The following MYO10 variants were observed in gnomAD, a reference collection of about 807,000 sequenced individuals.
MYO10 encodes the protein unconventional myosin-X.
In MYO10, 133 loss-of-function variants were observed where a neutral mutation model predicts 257.3. The ratio of observed to expected loss-of-function variants is 0.52; its 90% CI spans 0.45 to 0.60. MYO10 has a LOEUF of 0.60. Among genes scored for constraint, MYO10 ranks in the 20% least tolerant of loss-of-function variants. MYO10 has a pLI of 0.00. For synonymous variants in MYO10, 1,104 were observed against 1,028.6 expected, an observed-to-expected ratio of 1.07 and a Z score of -1.40; for missense variants, 2,399 against 2,635.7, an observed-to-expected ratio of 0.91 and a Z score of 1.97.
intron 19 of MYO10, among the ~76,000 whole-genome samples, chr5:16,732,660 A>C (rs1470080329): frequency 6.6e-6 from 1 of 152,204 alleles, no homozygotes; most frequent in African/African-American, 2.4e-5. Context: ...CACTTACACG[A>C]TCACTAAGGT....
intron 2 of MYO10, among the ~76,000 whole-genome samples, chr5:16,837,271 T>C (rs142997338): frequency 5.3e-4 from 80 of 152,088 alleles, no homozygotes; most frequent in Admixed American, 1.7e-3. Flanking sequence ...GATCACACCA[T>C]TGCACTTCAG....
chr5:16,776,229 G>A (rs1741208057), intron 9 of MYO10, among the ~76,000 whole-genome samples: 1 of 152,048 alleles, frequency 6.6e-6, no homozygotes, highest in Non-Finnish European at 1.5e-5. Flanking sequence ...ATAGGTTTGG[G>A]AGAAGAAAAT....
At chr5:16,807,133 C>A (rs115136984) in intron 3 of MYO10, among the ~76,000 whole-genome samples, 1 of 152,134 alleles carries the variant, frequency 6.6e-6, no homozygotes, top group African/African-American at 2.4e-5. Context: ...ACCATCCCCC[C>A]GTTTCCTTCT....
intron 3 of MYO10, among the ~76,000 whole-genome samples, chr5:16,801,973 G>C (rs1313815736): frequency 6.6e-6 from 1 of 152,134 alleles, no homozygotes; most frequent in Non-Finnish European, 1.5e-5. Context: ...TCAGACCCTT[G>C]CTACAACATG....
chr5:16,741,894 C>T, intron 19 of MYO10: 1 of 985,376 alleles, frequency 1.0e-6, no homozygotes. Context: ...CTGACAGACA[C>T]AAAAATGGGC....
chr5:16,693,122 G>T (rs907346441), intron 27 of MYO10, among the ~76,000 whole-genome samples: 10 of 152,110 alleles, frequency 6.6e-5, no homozygotes, highest in Non-Finnish European at 5.9e-5. Context: ...CAAAAAATTA[G>T]CCTGGCGTGG....
intron 3 of MYO10, among the ~76,000 whole-genome samples, chr5:16,816,595 A>C (rs1157539295): frequency 6.7e-6 from 1 of 148,850 alleles, no homozygotes; most frequent in Non-Finnish European, 1.5e-5. Context: ...CAGTGGTGCG[A>C]TCTTAGCTCA....
chr5:16,884,318 C>T (rs1032293491), intron 1 of MYO10, among the ~76,000 whole-genome samples: 3 of 152,020 alleles, frequency 2.0e-5, no homozygotes, highest in African/African-American at 7.3e-5. Context: ...TCACCTGAGG[C>T]TGGGAAGTAA....
Position 16,777,839 on chromosome 5 carries a change from C to CCTTTTTTTTTTTTTT in MYO10, c.930+1705_930+1706insAAAAAAAAAAAAAAG, listed in dbSNP as rs1560979466. On this transcript the variant is annotated intron_variant, in intron 9 of 40. Coordinates refer to ENST00000513610, the MANE Select transcript of MYO10 (RefSeq NM_012334.3). ...GCCACCCTAGGTGCATTGCATCTAA[C>CCTTTTTTTTTTTTTT]TTTTTTTTTTTTTTTTTTTTTTTTT... Among the ~76,000 whole-genome samples, 157 of 88,478 alleles carry CCTTTTTTTTTTTTTT rather than the reference C, an allele frequency of 1.8e-3. 13 individuals are homozygous for CCTTTTTTTTTTTTTT. The highest frequency in any genetic ancestry group is 6.7e-3 in the Middle Eastern group (1 of 150). The allele number at this position is 88,478 out of a possible 152,430, so 58.0% of individuals were successfully genotyped here. A position where few individuals can be genotyped will look rare whatever the true frequency, so the allele number is the denominator to read the frequency against.
chr5:16,703,717 A>G (rs1382127764), intron 22 of MYO10, among the ~76,000 whole-genome samples: 1 of 151,990 alleles, frequency 6.6e-6, no homozygotes, highest in Non-Finnish European at 1.5e-5. Context: ...CCCTGTCTCT[A>G]CTAAAAATAC....
At chr5:16,773,709 C>T (rs1019554343) in intron 9 of MYO10, among the ~76,000 whole-genome samples, 2 of 149,106 alleles carry the variant, frequency 1.3e-5, no homozygotes, top group Non-Finnish European at 3.0e-5. Flanking sequence ...TTTCTAACTG[C>T]CAAATAAAAA....
In MYO10 at chr5:16,703,088, T is replaced by C. The variant is rs757563181; in HGVS notation, c.2347A>G (p.Arg783Gly). The C allele has an allele frequency of 5.1e-6, 8 of 1,580,158 alleles. No homozygotes were observed. Among genetic ancestry groups the C allele is most frequent in the Admixed American group, 1.8e-5 (1 of 54,670 alleles). ...GCCTTTTTCAGGTGCAAAAATCTCCTCCTCAGAAGGAATGCTCTGTAATTC... is the reference window on the plus strand; with the variant it reads ...GCCTTTTTCAGGTGCAAAAATCTCCCCCTCAGAAGGAATGCTCTGTAATTC... Reference protein sequence around the residue: ...QKNYRAFLLRRRFLHLKKAAI... With the variant: ...QKNYRAFLLRGRFLHLKKAAI... Residue 783 changes from arginine (R) to glycine (G), a missense_variant, in exon 23 of 41, where the codon AGG (arginine) becomes GGG (glycine). Transcript: ENST00000513610.
At chr5:16,919,870 T>A (rs1454176818) in intron 1 of MYO10, among the ~76,000 whole-genome samples, 1 of 152,118 alleles carries the variant, frequency 6.6e-6, no homozygotes, top group Non-Finnish European at 1.5e-5. Context: ...CCCAGCACTT[T>A]GGGTGGCTAA....
chr5:16,674,349 A>G (rs1002867516), intron 35 of MYO10, among the ~76,000 whole-genome samples: 5 of 152,170 alleles, frequency 3.3e-5, no homozygotes, highest in African/African-American at 1.2e-4. Context: ...GGCGCCTGTA[A>G]TCTCAGCTAC....
chr5:16,919,170 G>A (rs13172299), intron 1 of MYO10, among the ~76,000 whole-genome samples: 10,492 of 152,138 alleles, frequency 0.069, 428 homozygotes, highest in African/African-American at 0.11. Flanking sequence ...TTGAGGTCAG[G>A]AGTTCAAGAC....
In MYO10 at chr5:16,794,832, G is replaced by C; in HGVS notation, c.281C>G (p.Thr94Ser). The change falls in exon 4 of 41, where the codon ACC (threonine) becomes AGC (serine). Residue 94 changes from threonine to serine, a missense_variant and splice_region_variant. Physicochemically the swap from Thr to Ser is moderately conservative, Grantham distance 58 (BLOSUM62 1). Transcript: ENST00000513610. ...FQRYKRNQIY[T>S]YIGSILASVN... is the part of the protein sequence containing the mutation. ...GGAGGCCAGGATGGAGCCGATGTAG[G>C]TCTGCAAGCACAGAGTGAGACAGGG... 14 of 1,519,566 alleles carry C rather than the reference G, an allele frequency of 9.2e-6. No homozygotes were observed. The highest frequency in any genetic ancestry group is 1.2e-5 in the Non-Finnish European group (14 of 1,129,030). 94.1% of individuals were successfully genotyped at this position (1,519,566 alleles called of 1,614,324 possible).
intron 1 of MYO10, among the ~76,000 whole-genome samples, chr5:16,934,607 T>G (rs1746382882): frequency 6.6e-6 from 1 of 152,222 alleles, no homozygotes; most frequent in African/African-American, 2.4e-5. Context: ...AGGAAAAATA[T>G]GTATTGATGG....
At chr5:16,694,238 C>T (rs1225369087) in intron 27 of MYO10, 133 bp downstream of exon 27, 1 of 1,343,406 alleles carries the variant, frequency 7.4e-7, no homozygotes, top group Non-Finnish European at 1.0e-6. Context: ...AGTAATTTAA[C>T]CTACTGAACT....
At chr5:16,858,210 T>G (rs982802046) in intron 2 of MYO10, among the ~76,000 whole-genome samples, 1 of 152,172 alleles carries the variant, frequency 6.6e-6, no homozygotes, top group Non-Finnish European at 1.5e-5. Context: ...GATTTTCACG[T>G]GTCAAAATAT....
Sources: gnomAD v4.1 joint callset for allele counts (sites outside exome capture counted in the v4.1 genomes callset) on GRCh38, gnomAD v4.1.1 for gene constraint, MANE v1.5 for transcripts, NCBI Gene and HGNC (gene_info 2026-07-23, HGNC 2026-07-21) for gene names.